TTC27: variants seen among roughly 807,000 people sequenced by gnomAD.
The protein encoded by TTC27 is tetratricopeptide repeat domain 27.
A neutral mutation model predicts 115.9 loss-of-function variants in TTC27; 79 were observed. The ratio of observed to expected loss-of-function variants is 0.68; its 90% CI spans 0.57 to 0.82. The LOEUF is 0.82. Ranked by LOEUF, TTC27 falls within the 40% of genes least tolerant of loss-of-function variation. The probability of loss-of-function intolerance (pLI) is 0.00; values close to 1 mark genes in which losing one functional copy is unlikely to be tolerated. For synonymous variants in TTC27, 401 were observed against 356.0 expected (o/e 1.13, Z -1.42); for missense variants, 1,054 against 993.1 (o/e 1.06, Z -0.82).
chr2:32,726,341 A>T (rs1465275158), intron 10 of TTC27, among the ~76,000 whole-genome samples: 2 of 152,208 alleles, frequency 1.3e-5, no homozygotes. Flanking sequence ...CTTTAACAGC[A>T]TCCAAGTCAC....
At chr2:32,645,725 T>G (rs1664828012) in intron 4 of TTC27, among the ~76,000 whole-genome samples, 1 of 152,076 alleles carries the variant, frequency 6.6e-6, no homozygotes, top group Non-Finnish European at 1.5e-5. Context: ...CTTTCTTTTT[T>G]TATTTTTTTG....
intron 12 of TTC27, among the ~76,000 whole-genome samples, chr2:32,740,940 C>A (rs1410099710): frequency 6.6e-6 from 1 of 152,238 alleles, no homozygotes; most frequent in Non-Finnish European, 1.5e-5. Context: ...CAGGCATGAG[C>A]CACCGCACCC....
At chr2:32,704,134 C>A (rs77129090) in intron 10 of TTC27, among the ~76,000 whole-genome samples, 1 of 152,136 alleles carries the variant, frequency 6.6e-6, no homozygotes, top group Non-Finnish European at 1.5e-5. Context: ...TAAGTTTCAA[C>A]ATATATATTT....
intron 8 of TTC27, among the ~76,000 whole-genome samples, chr2:32,673,347 C>T (rs1165479928): frequency 6.6e-6 from 1 of 151,952 alleles, no homozygotes; most frequent in East Asian, 1.9e-4. Flanking sequence ...GCCTCAGCCT[C>T]CTGAGTAGCT....
At chr2:32,691,898 A>G (rs1046190891) in intron 9 of TTC27, among the ~76,000 whole-genome samples, 3 of 151,960 alleles carry the variant, frequency 2.0e-5, no homozygotes, top group African/African-American at 7.2e-5. Context: ...TGTTATTTGT[A>G]AGTGGTTTCT....
intron 4 of TTC27, among the ~76,000 whole-genome samples, chr2:32,649,601 A>G (rs943475544): frequency 6.6e-6 from 1 of 151,294 alleles, no homozygotes; most frequent in Non-Finnish European, 1.5e-5. Context: ...CTAGAGTGCA[A>G]TGGTGCATCC....
At chr2:32,642,340 C>T (rs1448847154) in intron 4 of TTC27, among the ~76,000 whole-genome samples, 2 of 138,248 alleles carry the variant, frequency 1.4e-5, no homozygotes, top group Non-Finnish European at 3.1e-5. Context: ...CAACCTCCAC[C>T]TCACAGGTTC....
chr2:32,799,048 G>C (rs1336002326), intron 16 of TTC27, among the ~76,000 whole-genome samples: 1 of 152,148 alleles, frequency 6.6e-6, no homozygotes, highest in Non-Finnish European at 1.5e-5. Context: ...TGGAATATTA[G>C]TCTTAAAAAG....
chr2:32,681,665 T>A (rs1666429000), intron 9 of TTC27, among the ~76,000 whole-genome samples: 1 of 151,364 alleles, frequency 6.6e-6, no homozygotes, highest in Admixed American at 6.6e-5. Context: ...TTTTTTTTTT[T>A]ATAAAATAGG....
chr2:32,759,181 C>T (rs1558329077), intron 13 of TTC27, among the ~76,000 whole-genome samples: 1 of 152,078 alleles, frequency 6.6e-6, no homozygotes, highest in Non-Finnish European at 1.5e-5. Flanking sequence ...TTCTACCAAA[C>T]TTTATTTATA....
At chr2:32,766,512 G>A (rs1490139497) in intron 13 of TTC27, 4 of 453,932 alleles carry the variant, frequency 8.8e-6, no homozygotes, top group Non-Finnish European at 1.8e-5. Context: ...GAGAGTAGCT[G>A]GTCAGTGGAG....
chr2:32,666,339 C>T (rs1302601739), intron 6 of TTC27, among the ~76,000 whole-genome samples: 1 of 150,968 alleles, frequency 6.6e-6, no homozygotes, highest in African/African-American at 2.4e-5. Flanking sequence ...GTTCTTCTAC[C>T]TACAACACTC....
In TTC27 at chr2:32,695,748, A is replaced by AAT. The variant is rs1559209920; in HGVS notation, c.1120-7058_1120-7057insTA. On this transcript the variant is annotated intron_variant, in intron 9 of 19. Transcript: ENST00000317907. ...AAAAAAAAAAAAAAAAAAAAAAAAA[A>AAT]AGCTGGGTGTGGTGGCGGGTGCCTG... Among the ~76,000 whole-genome samples the AAT allele has an allele frequency of 5.5e-5, 6 of 108,684 alleles. 1 individual carries two copies. The highest frequency in any genetic ancestry group is 1.1e-4 in the African/African-American group (3 of 26,682). The allele number at this position is 108,684 out of a possible 152,430, so 71.3% of individuals were successfully genotyped here. A position where few individuals can be genotyped will look rare whatever the true frequency, so the allele number is the denominator to read the frequency against.
In TTC27 at chr2:32,697,497, A is replaced by T. The variant is rs12620693; in HGVS notation, c.1120-5310A>T. ...AACAGTAAAGAAATGTGTTTATAAGATATTTCAGTAAATGTGAAGTTTGTA... is the reference window on the plus strand; with the variant it reads ...AACAGTAAAGAAATGTGTTTATAAGTTATTTCAGTAAATGTGAAGTTTGTA... On this transcript the variant is annotated intron_variant, in intron 9 of 19. Transcript: ENST00000317907. Among the ~76,000 whole-genome samples the T allele has an allele frequency of 1.4e-3, 218 of 152,342 alleles. 3 individuals are homozygous for T. The East Asian group carries it at 0.037, about 26-fold the overall frequency.
intron 16 of TTC27, among the ~76,000 whole-genome samples, chr2:32,797,590 C>A (rs1670752638): frequency 6.6e-6 from 1 of 152,186 alleles, no homozygotes; most frequent in Non-Finnish European, 1.5e-5. Context: ...CCTTACCTAA[C>A]ACTGTATACA....
intron 4 of TTC27, among the ~76,000 whole-genome samples, chr2:32,647,707 A>G (rs1173724222): frequency 6.6e-6 from 1 of 152,190 alleles, no homozygotes; most frequent in Non-Finnish European, 1.5e-5. Flanking sequence ...GTGCTGTGGC[A>G]TATACCTGTC....
chr2:32,678,644 G>A (rs1666309393), intron 8 of TTC27, among the ~76,000 whole-genome samples: 1 of 151,996 alleles, frequency 6.6e-6, no homozygotes, highest in Non-Finnish European at 1.5e-5. Context: ...AGCCAGGATG[G>A]TCTTGATCTC....
chr2:32,659,712 G>T (rs1665465499), intron 5 of TTC27, among the ~76,000 whole-genome samples: 1 of 152,034 alleles, frequency 6.6e-6, no homozygotes, highest in African/African-American at 2.4e-5. Flanking sequence ...TCTCCTCCCT[G>T]TGTCCATGTG....
At chr2:32,818,371 G>A (rs190308132) in intron 19 of TTC27, among the ~76,000 whole-genome samples, 27 of 152,318 alleles carry the variant, frequency 1.8e-4, no homozygotes, top group Admixed American at 1.5e-3. Flanking sequence ...TAAGTAGGTC[G>A]TATATGGATG....
Sources: gnomAD v4.1 joint callset for allele counts (sites outside exome capture counted in the v4.1 genomes callset) on GRCh38, gnomAD v4.1.1 for gene constraint, MANE v1.5 for transcripts, NCBI Gene and HGNC (gene_info 2026-07-23, HGNC 2026-07-21) for gene names.